Variants in PDE11A observed in about 807,000 individuals in gnomAD.
PDE11A encodes the protein dual 3',5'-cyclic-AMP and -GMP phosphodiesterase 11A.
PDE11A carries 100 observed loss-of-function variants against 100.5 expected under a neutral mutation model. The observed-to-expected ratio is 1.00, with a 90% CI of 0.85 to 1.18. The LOEUF (loss-of-function observed/expected upper bound fraction) is 1.18. Ranked by LOEUF, PDE11A falls within the 50% of genes most tolerant of loss-of-function variation. PDE11A has a pLI of 0.00. For missense variants in PDE11A, 1,141 were observed against 1,152.6 expected (o/e 0.99, Z 0.15); for synonymous variants, 381 against 420.8 (o/e 0.91, Z 1.16).
chr2:177,721,451 T>C (rs915720540), intron 12 of PDE11A, among the ~76,000 whole-genome samples: 4 of 152,120 alleles, frequency 2.6e-5, no homozygotes, highest in Non-Finnish European at 5.9e-5. Flanking sequence ...TATAAGGAAA[T>C]TTTCAACTAA....
chr2:177,708,230 A>G (rs112888626), intron 13 of PDE11A, among the ~76,000 whole-genome samples: 1,041 of 61,844 alleles, frequency 0.017, 14 homozygotes, highest in African/African-American at 0.053. Context: ...AATGCCCATC[A>G]ATGACATTTG....
intron 2 of PDE11A, chr2:177,997,490 A>T: frequency 1.2e-6 from 1 of 807,766 alleles, no homozygotes; most frequent in South Asian, 1.4e-5. Context: ...GAGATCCTTG[A>T]TTAAAACATT....
chr2:177,769,885 CAAAAAAA>C (rs10572990), intron 9 of PDE11A, among the ~76,000 whole-genome samples: 3 of 70,876 alleles, frequency 4.2e-5, no homozygotes, highest in South Asian at 5.3e-4. Context: ...AAGACCCTAT[CAAAAAAA>C]AAAAAAAAAA....
At chr2:177,914,449 A>C (rs1394502488) in intron 2 of PDE11A, among the ~76,000 whole-genome samples, 4 of 152,062 alleles carry the variant, frequency 2.6e-5, no homozygotes, top group African/African-American at 9.7e-5. Context: ...TGCCTATATA[A>C]CTCTGCCAAG....
At chr2:177,972,169 A>G (rs944597505) in intron 2 of PDE11A, among the ~76,000 whole-genome samples, 2 of 152,224 alleles carry the variant, frequency 1.3e-5, no homozygotes, top group Non-Finnish European at 2.9e-5. Flanking sequence ...TGAAAAGGAA[A>G]AAGACCACTT....
intron 1 of PDE11A, among the ~76,000 whole-genome samples, chr2:178,039,835 A>G (rs1429551376): frequency 1.3e-5 from 2 of 152,110 alleles, no homozygotes; most frequent in African/African-American, 4.8e-5. Context: ...GTTGAGCAGA[A>G]AAAGAAACAA....
At chr2:177,908,956 A>T (rs1050689590) in intron 2 of PDE11A, among the ~76,000 whole-genome samples, 1 of 152,250 alleles carries the variant, frequency 6.6e-6, no homozygotes, top group African/African-American at 2.4e-5. Flanking sequence ...CATGCAAATC[A>T]GATCGGTATT....
chr2:178,100,590 G>A (rs1408492967), intron 2 of PDE11A, among the ~76,000 whole-genome samples: 1 of 152,072 alleles, frequency 6.6e-6, no homozygotes, highest in Admixed American at 6.5e-5. Flanking sequence ...AATTAACATA[G>A]TAAGCTACTT....
intron 5 of PDE11A, among the ~76,000 whole-genome samples, chr2:177,872,067 C>T (rs1043815971): frequency 6.6e-5 from 10 of 152,150 alleles, no homozygotes; most frequent in African/African-American, 2.2e-4. Context: ...TTAACCCACT[C>T]CCACCACTGT....
At chr2:178,000,583 A>T (rs1026486360) in intron 2 of PDE11A, among the ~76,000 whole-genome samples, 9 of 152,232 alleles carry the variant, frequency 5.9e-5, no homozygotes, top group African/African-American at 1.9e-4. Flanking sequence ...CCATAAATTT[A>T]AAAATGTTTT....
chr2:177,711,270 G>C (rs1447282518), intron 13 of PDE11A, among the ~76,000 whole-genome samples: 3 of 152,214 alleles, frequency 2.0e-5, no homozygotes, highest in African/African-American at 7.2e-5. Context: ...GTAGGGAATG[G>C]GAGGAGCAAA....
chr2:177,795,636 T>C (rs907709629), intron 9 of PDE11A, among the ~76,000 whole-genome samples: 3 of 152,050 alleles, frequency 2.0e-5, no homozygotes, highest in Non-Finnish European at 4.4e-5. Context: ...GGGCAGGGAA[T>C]TGAAGATAAC....
At chr2:177,940,160 G>A (rs1035744293) in intron 2 of PDE11A, among the ~76,000 whole-genome samples, 1 of 152,090 alleles carries the variant, frequency 6.6e-6, no homozygotes, top group Non-Finnish European at 1.5e-5. Flanking sequence ...TTGTACAACT[G>A]GGGGATGGGT....
At chr2:177,668,449 T>G (rs1324414625) in intron 18 of PDE11A, among the ~76,000 whole-genome samples, 1 of 152,212 alleles carries the variant, frequency 6.6e-6, no homozygotes, top group East Asian at 1.9e-4. Context: ...AAAAAAGGGA[T>G]GTTTTGAGAA....
chr2:178,072,480 T>A lies in PDE11A; in HGVS notation c.-43A>T. On this transcript the variant is annotated 5_prime_UTR_variant, in exon 1 of 20. Transcript: ENST00000286063. ...CTTGCCTGTTTACACGTGAACCAAA[T>A]GTTTTCCTGCCCCGAGGCCTCTAGC... The A allele has an allele frequency of 6.2e-7, 1 of 1,610,624 alleles. No individual in the cohort carries two copies.
At chr2:177,637,797 C>T (rs2080063647) in intron 19 of PDE11A, among the ~76,000 whole-genome samples, 1 of 150,508 alleles carries the variant, frequency 6.6e-6, no homozygotes, top group African/African-American at 2.4e-5. Context: ...ATTTCTCTTC[C>T]ATCTTTTCTA....
chr2:178,011,700 A>G (rs1020669233), intron 2 of PDE11A, among the ~76,000 whole-genome samples: 2 of 152,222 alleles, frequency 1.3e-5, no homozygotes, highest in Admixed American at 1.3e-4. Context: ...AAGCTAATCA[A>G]TCGCTCATGA....
At chr2:177,632,163 G>A (rs1017097925) in intron 19 of PDE11A, among the ~76,000 whole-genome samples, 1 of 152,168 alleles carries the variant, frequency 6.6e-6, no homozygotes, top group Non-Finnish European at 1.5e-5. Context: ...TAAAAGGGAA[G>A]CTCTTAAAGA....
chr2:177,855,805 AGCTGAGCAAAAAGCTTAAT>A (rs1376726703), intron 5 of PDE11A, among the ~76,000 whole-genome samples: 1 of 152,046 alleles, frequency 6.6e-6, no homozygotes, highest in East Asian at 1.9e-4. Flanking sequence ...GCTAACAAGA[AGCTGAGCAAAAAGCTTAAT>A]GAGATAAGCT....
Sources: allele counts gnomAD v4.1 joint callset (sites outside exome capture counted in the v4.1 genomes callset), GRCh38; gene constraint gnomAD v4.1.1; transcripts MANE v1.5; gene names NCBI Gene and HGNC (gene_info 2026-07-23, HGNC 2026-07-21).